Variants in FAT2 observed in about 807,000 individuals in gnomAD.
The protein encoded by FAT2 is protocadherin Fat 2.
Under a neutral mutation model 295.3 loss-of-function variants are expected in FAT2, and 150 were observed. That is an observed-to-expected ratio of 0.51 (90% CI 0.44 to 0.58). FAT2 has a LOEUF of 0.58. Ranked by LOEUF, FAT2 falls within the 20% of genes least tolerant of loss-of-function variation. The pLI is 0.00. For synonymous variants in FAT2, 2,026 were observed against 2,150.3 expected (o/e 0.94, Z 1.60); for missense variants, 4,868 against 5,442.7 (o/e 0.89, Z 3.32).
At chr5:151,572,834 C>T (rs1036284466) in intron 1 of FAT2, among the ~76,000 whole-genome samples, 2 of 152,198 alleles carry the variant, frequency 1.3e-5, no homozygotes, top group African/African-American at 2.4e-5. Context: ...GGTCTCTGGT[C>T]GAGTCTAAGC....
At chr5:151,572,938 G>C (rs1019129223) in intron 1 of FAT2, among the ~76,000 whole-genome samples, 3 of 152,238 alleles carry the variant, frequency 2.0e-5, no homozygotes, top group African/African-American at 7.2e-5. Context: ...GGCCCAGAAA[G>C]AGACCTGCAT....
intron 22 of FAT2, chr5:151,509,798 A>G: frequency 1.9e-6 from 1 of 534,646 alleles, no homozygotes; most frequent in South Asian, 3.1e-5. Flanking sequence ...TCCTGAAACC[A>G]TCTCCCGTTT....
rs73272085 is a variant in FAT2 at position 151,535,443 on chromosome 5, C to T, written c.9194-801G>A. On this transcript the variant is annotated intron_variant, in intron 12 of 23. Coordinates refer to ENST00000261800, the MANE Select transcript of FAT2 (RefSeq NM_001447.3). ...ACATCATGAGGCTCCCATAACAACC[C>T]AAGATGACTGGGTTCCGAGAGCTTC... Among the ~76,000 whole-genome samples, 265 of 152,196 alleles carry T rather than the reference C, an allele frequency of 1.7e-3. 3 individuals carry two copies. Among genetic ancestry groups the T allele is most frequent in the African/African-American group, 6.0e-3 (247 of 41,512 alleles).
chr5:151,587,015 G>T (rs923519244), intron 1 of FAT2, among the ~76,000 whole-genome samples: 2 of 152,032 alleles, frequency 1.3e-5, no homozygotes, highest in African/African-American at 2.4e-5. Context: ...GATGTCACAC[G>T]CCTGTAGTCC....
intron 9 of FAT2, among the ~76,000 whole-genome samples, chr5:151,548,531 A>G (rs1756876425): frequency 6.6e-6 from 1 of 152,090 alleles, no homozygotes; most frequent in South Asian, 2.1e-4. Context: ...CCCAGGCTGG[A>G]GTGCAATGGT....
intron 12 of FAT2, among the ~76,000 whole-genome samples, chr5:151,537,345 AAAGAAAAAAGAAG>A (rs1180971710): frequency 1.1e-5 from 1 of 88,340 alleles, no homozygotes; most frequent in Non-Finnish European, 3.2e-5. Flanking sequence ...AAAGAAAAGA[AAAGAAAAAAGAAG>A]GAAGGAAGGA....
At chr5:151,509,869 T>A (rs754761824) in intron 22 of FAT2, 152 bp downstream of exon 22, 16 of 839,542 alleles carry the variant, frequency 1.9e-5, no homozygotes, top group Non-Finnish European at 3.0e-5. Context: ...GCCAAAAAGG[T>A]TGGGGACCAC....
chr5:151,569,728 C>G (rs1352236540), intron 1 of FAT2, among the ~76,000 whole-genome samples: 1 of 152,214 alleles, frequency 6.6e-6, no homozygotes, highest in Non-Finnish European at 1.5e-5. Context: ...AGTCCCAACT[C>G]TTAGCCAGGA....
chr5:151,544,991 G>A lies in FAT2; in HGVS notation c.6136C>T (p.Arg2046Trp), dbSNP rs375082505. 26 of 1,614,134 alleles carry A rather than the reference G, an allele frequency of 1.6e-5. No homozygotes were observed. Among genetic ancestry groups the A allele is most frequent in the South Asian group, 7.7e-5 (7 of 91,080 alleles). The change falls in exon 10 of 24, where the codon CGG (arginine) becomes TGG (tryptophan). Residue 2046 changes from arginine to tryptophan, a missense_variant. Coordinates refer to ENST00000261800, the MANE Select transcript of FAT2 (RefSeq NM_001447.3). ...HELAVEVRDN[R>W]TPQRVAQGLV... ...CCCTGAGCCACCCGCTGAGGTGTCC[G>A]ATTGTCCCTCACTTCCACTGCCAAC...
intron 6 of FAT2, 145 bp from the exon 7 acceptor site, chr5:151,551,751 C>T: frequency 4.6e-6 from 3 of 653,742 alleles, no homozygotes; most frequent in Non-Finnish European, 7.3e-6. Context: ...GTTTATTCTC[C>T]CAGGGAGTCC....
At chr5:151,564,044 G>T (rs576755752) in intron 2 of FAT2, among the ~76,000 whole-genome samples, 2 of 152,320 alleles carry the variant, frequency 1.3e-5, no homozygotes, top group South Asian at 4.1e-4. Flanking sequence ...TGTCCTGGTA[G>T]ATAATCAATT....
rs573173450 is a variant in FAT2, at chr5:151,547,696, G to A, written c.4790-1359C>T. On this transcript the variant is annotated intron_variant, in intron 9 of 23. Transcript: ENST00000261800. ...CCGTTTTAAAGTGATTCCATTAAAA[G>A]CAGCTAAGTCAACAACCTACATGTG... 4.6e-5 allele frequency among the ~76,000 whole-genome samples: 7 copies of A among 152,242 alleles called. No individual in the cohort carries two copies. The South Asian group carries it at 1.0e-3, about 23-fold the overall frequency.
At chr5:151,539,210 C>T (rs1442525519) in intron 11 of FAT2, among the ~76,000 whole-genome samples, 1 of 152,184 alleles carries the variant, frequency 6.6e-6, no homozygotes, top group Non-Finnish European at 1.5e-5. Flanking sequence ...CCTGAAAAGA[C>T]ATTTTGCATG....
Position 151,510,091 on chromosome 5 carries a change from C to T in FAT2, c.11989G>A (p.Glu3997Lys), listed in dbSNP as rs146458760. The T allele has an allele frequency of 5.4e-3, 8,753 of 1,614,162 alleles. 45 individuals carry two copies. The highest frequency in any genetic ancestry group is 6.4e-3 in the Non-Finnish European group (7,570 of 1,180,018). Residue 3997 changes from glutamate to lysine, a missense_variant, in exon 22 of 24, where the codon GAA becomes AAA. By Grantham distance (56) the Glu-to-Lys change is moderately conservative. This residue lies in a region of FAT2 where 492 missense variants were observed against 482.6 expected (regional missense o/e 1.02). Coordinates refer to ENST00000261800, the MANE Select transcript of FAT2 (RefSeq NM_001447.3). ...GGGGAGAGGATGCAAGTTCCACCTT[C>T]CAGGCAGGGTGCAAAAGTACAGTTC... ...RENCTFAPCL[E>K]GGTCILSPKG...
At chr5:151,569,043 A>G in intron 1 of FAT2, 92 bp from the exon 2 acceptor site, 1 of 1,257,830 alleles carries the variant, frequency 8.0e-7, no homozygotes, top group African/African-American at 1.5e-5. Flanking sequence ...TTGACCCTCA[A>G]GGGACACTTG....
In FAT2 at chr5:151,505,250, G is replaced by A. The variant is rs1760747776; in HGVS notation, c.*315C>T. The A allele has an allele frequency of 4.5e-6, 2 of 444,674 alleles. No homozygotes were observed. Among genetic ancestry groups the A allele is most frequent in the Admixed American group, 4.2e-5 (1 of 24,054 alleles). The allele number at this position is 444,674 out of a possible 1,614,324, so 27.5% of individuals were successfully genotyped here. ...TCAGGCTCTGCCCCGGGGACTGAGAGCCGGCAGATCAGGGAGCCCTCCTGT... is the reference window on the plus strand; with the variant it reads ...TCAGGCTCTGCCCCGGGGACTGAGAACCGGCAGATCAGGGAGCCCTCCTGT... On this transcript the variant is annotated 3_prime_UTR_variant, in exon 24 of 24. Transcript: ENST00000261800.
In FAT2 at chr5:151,505,417, G is replaced by T; in HGVS notation, c.*148C>A. On this transcript the variant is annotated 3_prime_UTR_variant, in exon 24 of 24. Coordinates refer to ENST00000261800, the MANE Select transcript of FAT2 (RefSeq NM_001447.3). The stretch of plus-strand genomic sequence containing the variant: ...CCCTCAGGGACTAGGTGGGGGATTG[G>T]AAGAGCACATTTCAAGGGACAACAG... 1.1e-6 allele frequency: 1 copy of T among 929,078 alleles called. No individual in the cohort carries two copies. Among genetic ancestry groups the T allele is most frequent in the Non-Finnish European group, 1.6e-6 (1 of 616,630 alleles). 57.6% of individuals were successfully genotyped at this position (929,078 alleles called of 1,614,324 possible).
chr5:151,554,984 T>C (rs1757558052), intron 4 of FAT2, among the ~76,000 whole-genome samples: 1 of 152,242 alleles, frequency 6.6e-6, no homozygotes, highest in African/African-American at 2.4e-5. Context: ...CTTGCTTGTG[T>C]TTTTCATAAT....
chr5:151,520,939 G>C (rs1448440208), intron 19 of FAT2, among the ~76,000 whole-genome samples: 1 of 152,240 alleles, frequency 6.6e-6, no homozygotes, highest in African/African-American at 2.4e-5. Context: ...GCACAGAGAG[G>C]TTAATTTTCC....
Sources: gnomAD v4.1 joint callset for allele counts (sites outside exome capture counted in the v4.1 genomes callset) on GRCh38, gnomAD v4.1.1 for gene constraint, gnomAD v4.1.1 regional missense constraint, MANE v1.5 for transcripts, NCBI Gene and HGNC (gene_info 2026-07-23, HGNC 2026-07-21) for gene names.